The following ESCO1 variants were observed in gnomAD, a reference collection of about 807,000 sequenced individuals.
ESCO1 encodes the protein N-acetyltransferase ESCO1.
In ESCO1, 33 loss-of-function variants were observed where a neutral mutation model predicts 83.5. That is an observed-to-expected ratio of 0.40 (90% confidence interval 0.30 to 0.53). ESCO1 has a LOEUF of 0.53. Among genes scored for constraint, ESCO1 ranks in the 20% least tolerant of loss-of-function variants. The pLI is 0.63. For synonymous variants in ESCO1, 332 were observed against 324.3 expected (o/e 1.02, Z -0.25); for missense variants, 855 against 968.0 (o/e 0.88, Z 1.55).
At chr18:21,548,389 G>A (rs772609250) in intron 8 of ESCO1, among the ~76,000 whole-genome samples, 13 of 151,752 alleles carry the variant, frequency 8.6e-5, no homozygotes, top group African/African-American at 2.2e-4. Context: ...CAGCTACTCA[G>A]CAGGCTGAGG....
intron 7 of ESCO1, among the ~76,000 whole-genome samples, chr18:21,563,070 G>A (rs899610039): frequency 1.2e-4 from 18 of 151,592 alleles, no homozygotes; most frequent in African/African-American, 3.6e-4. Context: ...GGGCTTTCTC[G>A]GTGTTGGTCA....
At chr18:21,537,661 C>T (rs1438108514) in intron 9 of ESCO1, among the ~76,000 whole-genome samples, 1 of 152,190 alleles carries the variant, frequency 6.6e-6, no homozygotes, top group Non-Finnish European at 1.5e-5. Flanking sequence ...TCACAATTCC[C>T]TAGATTTTAA....
chr18:21,569,679 A>G (rs1029673181), intron 4 of ESCO1, among the ~76,000 whole-genome samples: 1 of 152,130 alleles, frequency 6.6e-6, no homozygotes, highest in African/African-American at 2.4e-5. Flanking sequence ...CAAGAGGCAG[A>G]GGTTGCAGTG....
intron 8 of ESCO1, among the ~76,000 whole-genome samples, chr18:21,545,232 G>T (rs768644457): frequency 7.9e-5 from 12 of 152,236 alleles, no homozygotes; most frequent in Non-Finnish European, 1.8e-4. Flanking sequence ...ACCATGTCTA[G>T]CCTGTGTACT....
At chr18:21,548,983 T>C (rs2038010921) in intron 8 of ESCO1, among the ~76,000 whole-genome samples, 1 of 152,072 alleles carries the variant, frequency 6.6e-6, no homozygotes, top group Non-Finnish European at 1.5e-5. Context: ...TATTCCCTCC[T>C]TATTAACAGC....
Position 21,530,021 on chromosome 18 carries a change from C to A in ESCO1, c.*322G>T. ...TCCATATTAAGAACTTCAAAATATA[C>A]TTATCACTGAGACCATAGTCCTTGC... On this transcript the variant is annotated 3_prime_UTR_variant, in exon 12 of 12. Coordinates refer to ENST00000269214, the MANE Select transcript of ESCO1 (RefSeq NM_052911.3). 5.3e-6 allele frequency: 1 copy of A among 190,312 alleles called. No individual in the cohort carries two copies. The highest frequency in any genetic ancestry group is 1.9e-4 in the South Asian group (1 of 5,248). The allele number at this position is 190,312 out of a possible 1,614,324, so 11.8% of individuals were successfully genotyped here. A position where few individuals can be genotyped will look rare whatever the true frequency, so the allele number is the denominator to read the frequency against.
intron 8 of ESCO1, chr18:21,540,462 G>T: frequency 1.2e-6 from 1 of 843,850 alleles, no homozygotes; most frequent in Non-Finnish European, 1.5e-6. Flanking sequence ...AGACCTCCAG[G>T]AGGTTTTAAA....
At chr18:21,599,593 C>T (rs1274375811) in intron 1 of ESCO1, among the ~76,000 whole-genome samples, 1 of 152,168 alleles carries the variant, frequency 6.6e-6, no homozygotes, top group Non-Finnish European at 1.5e-5. Flanking sequence ...TTTTGTAATA[C>T]TATCTAGATA....
At position 21,574,484 on chromosome 18, in the gene ESCO1, C is replaced by G. The variant is rs1226165156; in HGVS notation, c.360G>C (p.Arg120=). The G allele has an allele frequency of 3.2e-5, 51 of 1,613,970 alleles. No homozygotes were observed. Among genetic ancestry groups the G allele is most frequent in the Non-Finnish European group, 4.3e-5 (51 of 1,180,018 alleles). Residue 120 remains arginine, a synonymous_variant, in exon 4 of 12, where the codon CGG becomes CGC. Coordinates refer to ENST00000269214, the MANE Select transcript of ESCO1 (RefSeq NM_052911.3). ...ENPKANEQLN[R]RSQRLQQLTE... The stretch of plus-strand genomic sequence containing the variant: ...TTAATTGTTGTAGCCTTTGTGATCT[C>G]CGGTTAAGCTGTTCATTTGCTTTAG...
chr18:21,573,290 T>TAA (rs1158121605), intron 4 of ESCO1, 24 bp downstream of exon 4: 9 of 1,531,782 alleles, frequency 5.9e-6, no homozygotes, highest in Non-Finnish European at 7.0e-6. Flanking sequence ...GGCACCTCTA[T>TAA]TGTGCATAAT....
chr18:21,542,932 G>A (rs1010260761), intron 8 of ESCO1, among the ~76,000 whole-genome samples: 1 of 152,158 alleles, frequency 6.6e-6, no homozygotes, highest in Non-Finnish European at 1.5e-5. Context: ...TAATCAAATA[G>A]CCACAACGTT....
At position 21,573,668 on chromosome 18, in the gene ESCO1, A is replaced by C. The variant is rs1177951200; in HGVS notation, c.1176T>G (p.Thr392=). The change falls in exon 4 of 12, where the codon ACT becomes ACG. Residue 392 remains threonine, a synonymous_variant. Coordinates refer to ENST00000269214, the MANE Select transcript of ESCO1 (RefSeq NM_052911.3). ...NSSAKKNSNW[T]KIKLSKFNSV... is the part of the protein sequence containing the mutation. Reference sequence around the variant, plus strand: ...AGTTAAATTTTGAGAGTTTAATTTTAGTCCAGTTGGAGTTCTTCTTGGCTG... The same window carrying C: ...AGTTAAATTTTGAGAGTTTAATTTTCGTCCAGTTGGAGTTCTTCTTGGCTG... The C allele has an allele frequency of 2.5e-6, 4 of 1,614,042 alleles. No homozygotes were observed. Among genetic ancestry groups the C allele is most frequent in the African/African-American group, 1.3e-5 (1 of 74,954 alleles).
At chr18:21,545,535 TG>T (rs1334412609) in intron 8 of ESCO1, among the ~76,000 whole-genome samples, 35 of 148,652 alleles carry the variant, frequency 2.4e-4, no homozygotes, top group African/African-American at 7.2e-4. Flanking sequence ...ATCACACCAT[TG>T]CACTCCAGCC....
In ESCO1 at chr18:21,561,003, AAC is replaced by A. The variant is rs1242988013; in HGVS notation, c.1822-15_1822-14del. ...TTTGTCCTGCATCCTATTTACAAAA[AAC>A]ACACAAAAGTTTTTTTCCTCCCAAA... On this transcript the variant is annotated splice_polypyrimidine_tract_variant and intron_variant, in intron 7 of 11. Coordinates refer to ENST00000269214, the MANE Select transcript of ESCO1 (RefSeq NM_052911.3). 5 of 1,573,838 alleles carry A rather than the reference AAC, an allele frequency of 3.2e-6. No homozygotes were observed. In the African/African-American group the frequency reaches 6.8e-5, roughly 21 times the overall value.
chr18:21,568,457 T>C (rs1356062841), intron 4 of ESCO1, among the ~76,000 whole-genome samples: 1 of 152,182 alleles, frequency 6.6e-6, no homozygotes, highest in Non-Finnish European at 1.5e-5. Flanking sequence ...ATATATTCAA[T>C]AGTTTCCTGG....
intron 10 of ESCO1, among the ~76,000 whole-genome samples, chr18:21,535,508 C>A (rs2037825005): frequency 6.6e-6 from 1 of 151,978 alleles, no homozygotes; most frequent in South Asian, 2.1e-4. Flanking sequence ...TCAGCCTCCC[C>A]AATAGCTGGG....
intron 1 of ESCO1, among the ~76,000 whole-genome samples, chr18:21,595,332 C>T (rs1196468364): frequency 6.7e-6 from 1 of 149,128 alleles, no homozygotes; most frequent in Non-Finnish European, 1.5e-5. Context: ...CCACTGCACT[C>T]CAGCCTGGGC....
At chr18:21,553,829 A>T (rs1341133154) in intron 8 of ESCO1, among the ~76,000 whole-genome samples, 2 of 149,738 alleles carry the variant, frequency 1.3e-5, no homozygotes, top group East Asian at 3.9e-4. Flanking sequence ...CACTCACTGC[A>T]CTCCAGCCTG....
At chr18:21,541,870 C>T (rs1247886589) in intron 8 of ESCO1, among the ~76,000 whole-genome samples, 2 of 152,070 alleles carry the variant, frequency 1.3e-5, no homozygotes, top group African/African-American at 4.8e-5. Flanking sequence ...AAAGACAGTT[C>T]CATAAACTAT....
Sources: allele counts gnomAD v4.1 joint callset (sites outside exome capture counted in the v4.1 genomes callset), GRCh38; gene constraint gnomAD v4.1.1; transcripts MANE v1.5; gene names NCBI Gene and HGNC (gene_info 2026-07-23, HGNC 2026-07-21).